Variants in RSF1 observed in about 807,000 individuals in gnomAD.
The protein encoded by RSF1 is remodeling and spacing factor 1, also known as HBV pX-associated protein 8.
RSF1 carries 13 observed loss-of-function variants against 145.2 expected under a neutral mutation model. That is an observed-to-expected ratio of 0.09 (90% confidence interval 0.06 to 0.14). RSF1 has a LOEUF of 0.14. Among genes scored for constraint, RSF1 ranks in the 10% least tolerant of loss-of-function variants. The probability of loss-of-function intolerance (pLI) is 1.00; values close to 1 mark genes in which losing one functional copy is unlikely to be tolerated. For synonymous variants in RSF1, 577 were observed against 592.6 expected, an observed-to-expected ratio of 0.97 and a Z score of 0.38; for missense variants, 1,517 against 1,718.2, an observed-to-expected ratio of 0.88 and a Z score of 2.07.
chr11:77,770,806 G>A (rs1310553289), intron 1 of RSF1, among the ~76,000 whole-genome samples: 4 of 152,196 alleles, frequency 2.6e-5, no homozygotes, highest in African/African-American at 7.2e-5. Context: ...TAAGAGAAAT[G>A]AAACCCTGTA....
chr11:77,745,963 A>G, intron 3 of RSF1, among the ~76,000 whole-genome samples: 1 of 152,106 alleles, frequency 6.6e-6, no homozygotes, highest in Non-Finnish European at 1.5e-5. Flanking sequence ...ATGTATTTAC[A>G]TAATAAATAC....
intron 1 of RSF1, among the ~76,000 whole-genome samples, chr11:77,819,260 A>T (rs566774780): frequency 6.6e-6 from 1 of 152,366 alleles, no homozygotes; most frequent in African/African-American, 2.4e-5. Flanking sequence ...CTATTTGGAA[A>T]ACGTTTCTTC....
upstream of RSF1, chr11:77,821,071 A>G (rs1948874085): frequency 4.2e-6 from 2 of 475,322 alleles, no homozygotes; most frequent in African/African-American, 4.0e-5. Context: ...ACTTCTCGAG[A>G]ACAATGGCCA....
intron 1 of RSF1, among the ~76,000 whole-genome samples, chr11:77,816,426 A>AT (rs996933324): frequency 1.3e-5 from 2 of 152,204 alleles, no homozygotes; most frequent in African/African-American, 2.4e-5. Flanking sequence ...TTAAAAAGGC[A>AT]TTTTTTTAAC....
At chr11:77,823,033 G>A (rs2136017647), upstream of RSF1, among the ~76,000 whole-genome samples, 1 of 152,122 alleles carries the variant, frequency 6.6e-6, no homozygotes, top group Admixed American at 6.5e-5. Flanking sequence ...GGCTAACGCG[G>A]TGAAACCCGT....
intron 5 of RSF1, among the ~76,000 whole-genome samples, chr11:77,717,236 G>C (rs1414651629): frequency 5.3e-5 from 8 of 150,612 alleles, no homozygotes; most frequent in Non-Finnish European, 1.2e-4. Context: ...ATAAATACAG[G>C]ATAAGGGTGT....
chr11:77,714,008 T>G (rs1333561452), intron 5 of RSF1, among the ~76,000 whole-genome samples: 1 of 152,250 alleles, frequency 6.6e-6, no homozygotes. Context: ...ATTTTTATGA[T>G]AGTTTTGCCA....
rs189993388 is a variant in RSF1 at position 77,753,108 on chromosome 11, T to G, written c.280-5980A>C. 2.0e-5 allele frequency among the ~76,000 whole-genome samples: 3 copies of G among 152,378 alleles called. No individual in the cohort carries two copies. In the East Asian group the frequency reaches 5.8e-4, roughly 29 times the overall value. On this transcript the variant is annotated intron_variant, in intron 2 of 15. Coordinates refer to ENST00000308488, the MANE Select transcript of RSF1 (RefSeq NM_016578.4). ...GGCAAGCAGCAGCCCTCAAGGCTGCTCTGCCTATGGAGTAGCCATTCTTTT... is the reference window on the plus strand; with the variant it reads ...GGCAAGCAGCAGCCCTCAAGGCTGCGCTGCCTATGGAGTAGCCATTCTTTT...
At chr11:77,813,464 C>G (rs1948749907) in intron 1 of RSF1, 1 of 1,136,358 alleles carries the variant, frequency 8.8e-7, no homozygotes, top group South Asian at 1.2e-5. Flanking sequence ...TTAGAACCTT[C>G]ACCACAAGGA....
At chr11:77,865,868 T>TCGGC in the RSF1 span, among the ~76,000 whole-genome samples, 1 of 152,254 alleles carries the variant, frequency 6.6e-6, no homozygotes. Flanking sequence ...AAGGGGACCA[T>TCGGC]CGGCCTCAAT....
At chr11:77,850,677 A>G in the RSF1 span, 2 of 152,174 alleles carry the variant, frequency 1.3e-5, no homozygotes, top group African/African-American at 4.8e-5. Context: ...AGTTATGTGA[A>G]TAATATAATA....
upstream of RSF1, chr11:77,821,256 G>GCCC: frequency 4.3e-6 from 1 of 230,074 alleles, no homozygotes; most frequent in Non-Finnish European, 8.4e-6. Context: ...GTTTGCGGGG[G>GCCC]AATCCTGAAA....
At chr11:77,766,950 T>C (rs1044541003) in intron 1 of RSF1, among the ~76,000 whole-genome samples, 4 of 152,156 alleles carry the variant, frequency 2.6e-5, no homozygotes, top group Non-Finnish European at 4.4e-5. Context: ...CAGAGAGAAG[T>C]GGACAGATCT....
the RSF1 span, among the ~76,000 whole-genome samples, chr11:77,863,637 C>T: frequency 6.6e-6 from 1 of 152,190 alleles, no homozygotes; most frequent in Non-Finnish European, 1.5e-5. Flanking sequence ...GATCCACCCA[C>T]CTTGGCCTCC....
In RSF1 at chr11:77,702,025, G is replaced by T; in HGVS notation, c.1204C>A (p.Pro402Thr). ...GTTGGAGTAACTGATTTACACAAAGGTCCCTTGACTGGACTGTCAAAATCA... is the reference window on the plus strand; with the variant it reads ...GTTGGAGTAACTGATTTACACAAAGTTCCCTTGACTGGACTGTCAAAATCA... ...SDDFDSPVKGPLCKSVTPTKE... is the reference protein window; with the variant it reads ...SDDFDSPVKGTLCKSVTPTKE... The change falls in exon 6 of 16, where the codon CCT becomes ACT. Residue 402 changes from proline to threonine, a missense_variant. Transcript: ENST00000308488. 6.2e-7 allele frequency: 1 copy of T among 1,613,836 alleles called. No individual in the cohort carries two copies. Among genetic ancestry groups the T allele is most frequent in the Non-Finnish European group, 8.5e-7 (1 of 1,179,910 alleles).
At chr11:77,811,771 A>G (rs192982484) in intron 1 of RSF1, among the ~76,000 whole-genome samples, 1 of 152,368 alleles carries the variant, frequency 6.6e-6, no homozygotes, top group Non-Finnish European at 1.5e-5. Flanking sequence ...ATAACTTGGT[A>G]TCAAAGAAAG....
chr11:77,822,339 G>A (rs927104626), upstream of RSF1, among the ~76,000 whole-genome samples: 3 of 150,794 alleles, frequency 2.0e-5, no homozygotes, highest in African/African-American at 4.9e-5. Context: ...CCCTTGAACC[G>A]GGGAGGCGAA....
At chr11:77,741,004 C>G in intron 3 of RSF1, 68 bp from the exon 4 acceptor site, 1 of 1,166,156 alleles carries the variant, frequency 8.6e-7, no homozygotes, top group Non-Finnish European at 1.2e-6. Flanking sequence ...AAATATGATA[C>G]AACCGTAGAA....
At position 77,671,157 on chromosome 11, in the gene RSF1, A is replaced by G. The variant is rs1220739213; in HGVS notation, c.3751+885T>C. On this transcript the variant is annotated intron_variant, in intron 15 of 15. Coordinates refer to ENST00000308488, the MANE Select transcript of RSF1 (RefSeq NM_016578.4). ...AAAAAAAATATATATATATATATAT[A>G]TATATATATATATATATATATTTAT... 1.6e-4 allele frequency among the ~76,000 whole-genome samples: 12 copies of G among 74,704 alleles called. 1 individual carries two copies. Among genetic ancestry groups the G allele is most frequent in the African/African-American group, 7.5e-4 (11 of 14,618 alleles). 49.0% of individuals were successfully genotyped at this position (74,704 alleles called of 152,430 possible). A position where few individuals can be genotyped will look rare whatever the true frequency, so the allele number is the denominator to read the frequency against.
Sources: gnomAD v4.1 joint callset for allele counts (sites outside exome capture counted in the v4.1 genomes callset) on GRCh38, gnomAD v4.1.1 for gene constraint, MANE v1.5 for transcripts, NCBI Gene and HGNC (gene_info 2026-07-23, HGNC 2026-07-21) for gene names.